The following RGS12 variants were observed in gnomAD, a reference collection of about 807,000 sequenced individuals.
The protein encoded by RGS12 is regulator of G-protein signaling 12.
In RGS12, 66 loss-of-function variants were observed where a neutral mutation model predicts 120.1. That is an observed-to-expected ratio of 0.55 (90% CI 0.45 to 0.67). RGS12 has a LOEUF of 0.67. Among genes scored for constraint, RGS12 ranks in the 30% least tolerant of loss-of-function variants. RGS12 has a pLI of 0.00. For missense variants in RGS12, 1,859 were observed against 1,957.7 expected (o/e 0.95, Z 0.95); for synonymous variants, 827 against 804.7 (o/e 1.03, Z -0.47).
chr4:3,392,924 G>T (rs1178938971), intron 4 of RGS12, among the ~76,000 whole-genome samples: 16 of 152,200 alleles, frequency 1.1e-4, no homozygotes, highest in Non-Finnish European at 1.5e-5. Context: ...GGAGGCAGAG[G>T]TTGTAGTGAG....
At chr4:3,393,531 T>TCA (rs1719720660) in intron 4 of RGS12, among the ~76,000 whole-genome samples, 1 of 152,118 alleles carries the variant, frequency 6.6e-6, no homozygotes, top group Non-Finnish European at 1.5e-5. Context: ...GTTCATGGAG[T>TCA]GCCTCTGGGC....
At chr4:3,352,390 C>G (rs1019110863) in intron 3 of RGS12, among the ~76,000 whole-genome samples, 2 of 152,180 alleles carry the variant, frequency 1.3e-5, no homozygotes, top group Non-Finnish European at 2.9e-5. Context: ...CATACCAGTT[C>G]TAAGAATTGA....
intron 1 of RGS12, among the ~76,000 whole-genome samples, chr4:3,299,685 C>A (rs769520719): frequency 1.3e-5 from 2 of 152,224 alleles, no homozygotes; most frequent in Non-Finnish European, 2.9e-5. Flanking sequence ...AAAGAAAGTT[C>A]TTCCCCTACC....
At position 3,316,191 on chromosome 4, in the gene RGS12, C is replaced by A; in HGVS notation, c.21C>A (p.Ala7=). Residue 7 remains alanine (A), a synonymous_variant, in exon 2 of 18, where the codon GCC becomes GCA. Transcript: ENST00000336727. MFRAGE[A]SKRPLPGPSP... is the part of the protein sequence containing the mutation. ...TCAGAATGTTTAGAGCTGGGGAGGC[C>A]TCCAAACGCCCATTGCCTGGGCCGT... 1 of 1,575,746 alleles carries A rather than the reference C, an allele frequency of 6.3e-7. No homozygotes were observed. Among genetic ancestry groups the A allele is most frequent in the Non-Finnish European group, 8.6e-7 (1 of 1,159,932 alleles).
At chr4:3,364,556 C>T (rs905103720) in intron 3 of RGS12, among the ~76,000 whole-genome samples, 1 of 151,850 alleles carries the variant, frequency 6.6e-6, no homozygotes, top group Non-Finnish European at 1.5e-5. Context: ...TCCAGGGGCT[C>T]GTGGCCCCCG....
rs549896912 is a variant in RGS12 at position 3,328,953 on chromosome 4, TACTA to T, written c.1881+10905_1881+10908del. On this transcript the variant is annotated intron_variant, in intron 2 of 17. Transcript: ENST00000336727. ...GGCCTGACTTTTCCTCCCCCTTGTC[TACTA>T]ACCATGTCCAGTCTGGATGGGAGGT... 8.5e-5 allele frequency among the ~76,000 whole-genome samples: 13 copies of T among 152,326 alleles called. No homozygotes were observed. The South Asian group carries it at 2.7e-3, about 32-fold the overall frequency.
At chr4:3,434,888 G>A (rs755375935) in intron 17 of RGS12, among the ~76,000 whole-genome samples, 36 of 152,212 alleles carry the variant, frequency 2.4e-4, no homozygotes, top group Admixed American at 1.4e-3. Flanking sequence ...GGGGCTGGAG[G>A]CCAGTGGCTC....
At position 3,311,859 on chromosome 4, in the gene RGS12, C is replaced by G. The variant is rs199591926; in HGVS notation, c.-101-4211C>G. Reference sequence around the variant, plus strand: ...GGACACTCAGCCTGTGTGACGTGGTCGGTGACTCCTGATGGGAGGTGGCAG... The same window carrying G: ...GGACACTCAGCCTGTGTGACGTGGTGGGTGACTCCTGATGGGAGGTGGCAG... On this transcript the variant is annotated intron_variant, in intron 1 of 17. Coordinates refer to ENST00000336727, the MANE Select transcript of RGS12 (RefSeq NM_001394154.1). 2.0e-4 allele frequency among the ~76,000 whole-genome samples: 31 copies of G among 152,314 alleles called. No homozygotes were observed. The South Asian group carries it at 3.5e-3, about 17-fold the overall frequency.
chr4:3,364,048 C>T (rs1022715098), intron 3 of RGS12, among the ~76,000 whole-genome samples: 1 of 152,204 alleles, frequency 6.6e-6, no homozygotes, highest in African/African-American at 2.4e-5. Context: ...CGATTCTGCA[C>T]GTGTCTTGAG....
At position 3,428,148 on chromosome 4, in the gene RGS12, C is replaced by T; in HGVS notation, c.3390C>T (p.Ser1130=). The T allele has an allele frequency of 1.2e-6, 2 of 1,613,674 alleles. No individual in the cohort carries two copies. Among genetic ancestry groups the T allele is most frequent in the South Asian group, 1.1e-5 (1 of 91,084 alleles). ...AACAGAACACAGCTGTAAATTCCAG[C>T]TCCAGAAACCACTCGGCTACGGTAA... is the stretch of plus-strand genomic sequence containing the variant. ...PVKQNTAVNS[S]SRNHSATGEE... is the part of the protein sequence containing the mutation. Residue 1130 remains serine (S), a synonymous_variant, in exon 15 of 18, where the codon AGC becomes AGT. Transcript: ENST00000336727.
At chr4:3,346,849 A>G (rs1010816700) in intron 3 of RGS12, among the ~76,000 whole-genome samples, 1 of 152,206 alleles carries the variant, frequency 6.6e-6, no homozygotes, top group Non-Finnish European at 1.5e-5. Context: ...ATACGAAGTG[A>G]CAGTTTTTAC....
At chr4:3,290,209 A>C (rs2110337045), upstream of RGS12, among the ~76,000 whole-genome samples, 1 of 152,142 alleles carries the variant, frequency 6.6e-6, no homozygotes, top group South Asian at 2.1e-4. Context: ...TCTAGTTTTG[A>C]TTTGTTGTGG....
chr4:3,411,537 G>A (rs979927319), intron 4 of RGS12, among the ~76,000 whole-genome samples: 5 of 152,378 alleles, frequency 3.3e-5, no homozygotes, highest in African/African-American at 9.6e-5. Flanking sequence ...CGCTCCACTT[G>A]TGTGGTTCTA....
intron 3 of RGS12, among the ~76,000 whole-genome samples, chr4:3,364,911 C>T (rs1009214261): frequency 6.6e-6 from 1 of 151,924 alleles, no homozygotes; most frequent in Non-Finnish European, 1.5e-5. Flanking sequence ...CTCCCCGTGG[C>T]GAGAGGAGGC....
Position 3,430,914 on chromosome 4 carries a change from C to T in RGS12, c.4073C>T (p.Pro1358Leu), listed in dbSNP as rs140022951. 28 of 1,612,696 alleles carry T rather than the reference C, an allele frequency of 1.7e-5. No individual in the cohort carries two copies. Among genetic ancestry groups the T allele is most frequent in the South Asian group, 3.3e-5 (3 of 91,066 alleles). The change falls in exon 17 of 18, where the codon CCG (proline) becomes CTG (leucine). Residue 1358 changes from proline (P) to leucine (L), a missense_variant. Transcript: ENST00000336727. The part of the protein sequence containing the change: ...ISSPNSTLLP[P>L]PSTPQEVPGP... ...AGCCCCAACAGCACCTTGCTGCCGC[C>T]GCCCTCCACCCCCCAGGAAGTGCCA...
At chr4:3,353,405 T>G (rs1423656739) in intron 3 of RGS12, among the ~76,000 whole-genome samples, 2 of 152,352 alleles carry the variant, frequency 1.3e-5, no homozygotes, top group East Asian at 3.9e-4. Flanking sequence ...ATGGCGCTGC[T>G]TCTTAGTTAA....
chr4:3,306,937 G>A (rs373098372), intron 1 of RGS12, among the ~76,000 whole-genome samples: 1 of 152,174 alleles, frequency 6.6e-6, no homozygotes, highest in South Asian at 2.1e-4. Flanking sequence ...TTTTTTGGAG[G>A]CTTCTTCCTA....
chr4:3,355,568 G>A (rs1714793665), intron 3 of RGS12, among the ~76,000 whole-genome samples: 3 of 152,124 alleles, frequency 2.0e-5, no homozygotes, highest in African/African-American at 7.2e-5. Flanking sequence ...GCTGAAGTGG[G>A]CAGATCATTT....
chr4:3,342,610 C>G (rs118079882), intron 2 of RGS12: 3 of 1,319,848 alleles, frequency 2.3e-6, no homozygotes. Context: ...CACCCTTGCA[C>G]GTGATTTCAT....
Sources: allele counts gnomAD v4.1 joint callset (sites outside exome capture counted in the v4.1 genomes callset), GRCh38; gene constraint gnomAD v4.1.1; transcripts MANE v1.5; gene names NCBI Gene and HGNC (gene_info 2026-07-23, HGNC 2026-07-21).